ADORA2B: variants seen among roughly 807,000 people sequenced by gnomAD.
The protein encoded by ADORA2B is adenosine A2b receptor.
In ADORA2B, 18 loss-of-function variants were observed where a neutral mutation model predicts 20.8. The observed-to-expected ratio is 0.87, with a 90% CI of 0.60 to 1.29. ADORA2B has a LOEUF of 1.29. ADORA2B is among the 50% of genes most tolerant of loss of function. The pLI is 0.00. For synonymous variants in ADORA2B, 179 were observed against 178.3 expected (o/e 1.00, Z -0.03); for missense variants, 441 against 422.7 (o/e 1.04, Z -0.38).
chr17:15,884,049 CAG>C, the ADORA2B span, among the ~76,000 whole-genome samples: 11 of 152,216 alleles, frequency 7.2e-5, no homozygotes, highest in African/African-American at 2.7e-4. Flanking sequence ...CATGACTGCT[CAG>C]AGTCACACTC....
chr17:15,883,269 G>GT, the ADORA2B span, among the ~76,000 whole-genome samples: 2 of 152,148 alleles, frequency 1.3e-5, no homozygotes, highest in African/African-American at 4.8e-5. Flanking sequence ...CAGAAGTGCT[G>GT]TTTCCTTTAA....
chr17:15,870,363 G>A, the ADORA2B span, among the ~76,000 whole-genome samples: 5 of 151,672 alleles, frequency 3.3e-5, no homozygotes, highest in African/African-American at 1.2e-4. Context: ...TTGGGGCCTG[G>A]CAGGGTGGCT....
At chr17:15,921,091 C>G in the ADORA2B span, among the ~76,000 whole-genome samples, 2 of 152,204 alleles carry the variant, frequency 1.3e-5, no homozygotes, top group Non-Finnish European at 2.9e-5. Flanking sequence ...GTGGGGCACC[C>G]GTGTGAGTTT....
chr17:15,900,474 G>C, the ADORA2B span, among the ~76,000 whole-genome samples: 1 of 151,482 alleles, frequency 6.6e-6, no homozygotes, highest in Non-Finnish European at 1.5e-5. Flanking sequence ...TTGACATAGG[G>C]TCTTGCCCTG....
intron 1 of ADORA2B, among the ~76,000 whole-genome samples, chr17:15,967,915 G>A (rs909505850): frequency 1.3e-5 from 2 of 152,190 alleles, no homozygotes; most frequent in African/African-American, 4.8e-5. Flanking sequence ...GATTCAGACT[G>A]ACAGGCTGAA....
the ADORA2B span, among the ~76,000 whole-genome samples, chr17:15,920,798 C>T: frequency 1.3e-5 from 2 of 151,998 alleles, no homozygotes; most frequent in South Asian, 4.1e-4. Context: ...AGGTGCATCA[C>T]AGCACCGCGC....
chr17:15,973,184 A>G (rs1970208800), intron 1 of ADORA2B, among the ~76,000 whole-genome samples: 1 of 152,186 alleles, frequency 6.6e-6, no homozygotes, highest in African/African-American at 2.4e-5. Context: ...GAAGCCAGAA[A>G]GATCCTTGCC....
chr17:15,875,850 G>A, the ADORA2B span, among the ~76,000 whole-genome samples: 1 of 152,220 alleles, frequency 6.6e-6, no homozygotes, highest in African/African-American at 2.4e-5. Flanking sequence ...CAAAGTGCTG[G>A]AATTACAGGC....
intron 1 of ADORA2B, among the ~76,000 whole-genome samples, chr17:15,971,421 T>A (rs557342989): frequency 1.2e-4 from 19 of 152,308 alleles, no homozygotes; most frequent in Middle Eastern, 3.4e-3. Flanking sequence ...TAGGGGCCCA[T>A]GATTGAGCTG....
the ADORA2B span, chr17:15,908,418 A>G: frequency 6.5e-6 from 1 of 152,852 alleles, no homozygotes; most frequent in Admixed American, 6.5e-5. Context: ...TGGTCTTCAC[A>G]TTCCATCTGT....
At chr17:15,863,371 G>A in the ADORA2B span, among the ~76,000 whole-genome samples, 32,270 of 151,660 alleles carry the variant, frequency 0.21, 3,966 homozygotes, top group Non-Finnish European at 0.28. Flanking sequence ...TAGAGATGGG[G>A]GTCTCGCTCT....
At chr17:15,930,493 G>T in the ADORA2B span, among the ~76,000 whole-genome samples, 1 of 151,936 alleles carries the variant, frequency 6.6e-6, no homozygotes, top group Non-Finnish European at 1.5e-5. Context: ...ACAGGGTTTC[G>T]CTGTATTGGC....
chr17:15,897,832 A>G, the ADORA2B span, among the ~76,000 whole-genome samples: 2 of 152,314 alleles, frequency 1.3e-5, no homozygotes, highest in East Asian at 3.9e-4. Context: ...CTATTTCACT[A>G]TTTCGCTATT....
the ADORA2B span, among the ~76,000 whole-genome samples, chr17:15,910,199 C>T: frequency 6.4e-3 from 968 of 152,352 alleles, 12 homozygotes; most frequent in Non-Finnish European, 0.011. Context: ...CTGATCTGAG[C>T]CACTTCAGAG....
At chr17:15,896,585 A>C in the ADORA2B span, among the ~76,000 whole-genome samples, 1 of 152,238 alleles carries the variant, frequency 6.6e-6, no homozygotes, top group Admixed American at 6.5e-5. Flanking sequence ...GTATGTGTTC[A>C]CCTTCAAGAA....
chr17:15,939,288 T>C, the ADORA2B span, among the ~76,000 whole-genome samples: 1 of 151,928 alleles, frequency 6.6e-6, no homozygotes, highest in Non-Finnish European at 1.5e-5. Flanking sequence ...TGATCCTCCC[T>C]CCTCTGCCTC....
the ADORA2B span, among the ~76,000 whole-genome samples, chr17:15,919,524 G>A: frequency 6.6e-6 from 1 of 152,216 alleles, no homozygotes; most frequent in East Asian, 1.9e-4. Flanking sequence ...TCATTTTGGG[G>A]TGAATGTCTG....
the ADORA2B span, among the ~76,000 whole-genome samples, chr17:15,881,625 T>C: frequency 6.6e-6 from 1 of 152,206 alleles, no homozygotes; most frequent in Admixed American, 6.5e-5. Context: ...ACCATTTTGC[T>C]TTGTCTCTGA....
chr17:15,970,485 C>T (rs888678176), intron 1 of ADORA2B, among the ~76,000 whole-genome samples: 9 of 151,998 alleles, frequency 5.9e-5, no homozygotes, highest in African/African-American at 2.2e-4. Flanking sequence ...AATATAAAAT[C>T]GCTTTAAAAA....
Sources: allele counts gnomAD v4.1 joint callset (sites outside exome capture counted in the v4.1 genomes callset), GRCh38; gene constraint gnomAD v4.1.1; transcripts MANE v1.5; gene names NCBI Gene and HGNC (gene_info 2026-07-23, HGNC 2026-07-21).